Variants in ABCD3 observed in about 807,000 individuals in gnomAD.
ABCD3 encodes the protein ATP-binding cassette sub-family D member 3.
A neutral mutation model predicts 105.5 loss-of-function variants in ABCD3; 41 were observed. The ratio of observed to expected loss-of-function variants is 0.39; its 90% CI spans 0.30 to 0.50. The LOEUF is 0.50. Ranked by LOEUF, ABCD3 falls within the 20% of genes least tolerant of loss-of-function variation. The pLI is 0.84. For synonymous variants in ABCD3, 258 were observed against 269.0 expected, an observed-to-expected ratio of 0.96 and a Z score of 0.40; for missense variants, 622 against 806.3, an observed-to-expected ratio of 0.77 and a Z score of 2.77.
chr1:94,388,270 C>A, the ABCD3 span, among the ~76,000 whole-genome samples: 1 of 152,192 alleles, frequency 6.6e-6, no homozygotes, highest in East Asian at 1.9e-4. Flanking sequence ...CTAACGTCTA[C>A]ATGAACAGAA....
At chr1:94,398,672 G>A in the ABCD3 span, among the ~76,000 whole-genome samples, 32 of 152,274 alleles carry the variant, frequency 2.1e-4, no homozygotes, top group East Asian at 6.0e-3. Context: ...CCATCACTTT[G>A]GGAGGCCAAG....
chr1:94,498,736 C>G (rs1170705186), intron 17 of ABCD3, 47 bp from the exon 18 acceptor site: 7 of 1,612,896 alleles, frequency 4.3e-6, no homozygotes, highest in Non-Finnish European at 5.9e-6. Context: ...CTGTCTACCA[C>G]TTTGTAAATT....
intron 1 of ABCD3, chr1:94,455,890 T>C: frequency 8.4e-7 from 1 of 1,193,926 alleles, no homozygotes. Flanking sequence ...TATCAATTTA[T>C]AACATTTATT....
At chr1:94,453,871 G>A (rs1647395243) in intron 1 of ABCD3, among the ~76,000 whole-genome samples, 1 of 148,634 alleles carries the variant, frequency 6.7e-6, no homozygotes, top group South Asian at 2.1e-4. Flanking sequence ...TTCTGCTTGG[G>A]TGGTTTTAAA....
chr1:94,391,111 T>C, the ABCD3 span, among the ~76,000 whole-genome samples: 4 of 152,176 alleles, frequency 2.6e-5, no homozygotes, highest in African/African-American at 9.6e-5. Context: ...AAATCCTTCC[T>C]CAGGTTACCC....
At chr1:94,504,501 A>G (rs947452613) in intron 20 of ABCD3, among the ~76,000 whole-genome samples, 2 of 152,190 alleles carry the variant, frequency 1.3e-5, no homozygotes, top group Admixed American at 6.5e-5. Flanking sequence ...TGAAAGCTCT[A>G]AGGAACAGAA....
Position 94,483,246 on chromosome 1 carries a change from T to A in ABCD3, c.897+7T>A. ...CTCAGTCTTCCGAAAACTGGTAAGA[T>A]AACACACTTGAGGTTCATGTGTTTA... On this transcript the variant is annotated splice_region_variant and intron_variant, in intron 10 of 22. Coordinates refer to ENST00000370214, the MANE Select transcript of ABCD3 (RefSeq NM_002858.4). 6.2e-7 allele frequency: 1 copy of A among 1,610,638 alleles called. No individual in the cohort carries two copies. The highest frequency in any genetic ancestry group is 8.5e-7 in the Non-Finnish European group (1 of 1,176,970).
rs748896890 is a variant in ABCD3 at position 94,491,159 on chromosome 1, C to T, written c.1323-25C>T. 17 of 1,555,904 alleles carry T rather than the reference C, an allele frequency of 1.1e-5. No homozygotes were observed. In the African/African-American group the frequency reaches 1.6e-4, roughly 15 times the overall value. ...GTTCCTTATATACTTTAAAGTAATTCTCTTTTTAAAAATTTCCTCTATAGG... is the reference window on the plus strand; with the variant it reads ...GTTCCTTATATACTTTAAAGTAATTTTCTTTTTAAAAATTTCCTCTATAGG... On this transcript the variant is annotated intron_variant, in intron 15 of 22. Transcript: ENST00000370214.
chr1:94,427,388 A>G (rs969046636), intron 1 of ABCD3, among the ~76,000 whole-genome samples: 6 of 152,214 alleles, frequency 3.9e-5, no homozygotes, highest in African/African-American at 1.4e-4. Context: ...CAAAGAAAAG[A>G]ATGACCTTAG....
chr1:94,418,358 C>G, upstream of ABCD3: 1 of 855,982 alleles, frequency 1.2e-6, no homozygotes, highest in Non-Finnish European at 1.8e-6. Context: ...GGGGGCGGTC[C>G]TGCGCGGCCG....
intron 1 of ABCD3, chr1:94,419,355 C>T: frequency 1.0e-6 from 1 of 985,056 alleles, no homozygotes; most frequent in Non-Finnish European, 1.2e-6. Context: ...AATGACACGC[C>T]ACTGCTTCCA....
chr1:94,508,169 T>C (rs1650460973), intron 21 of ABCD3, among the ~76,000 whole-genome samples: 1 of 152,218 alleles, frequency 6.6e-6, no homozygotes, highest in Admixed American at 6.5e-5. Context: ...GATTTTTGTA[T>C]AAGATGTAAG....
intron 10 of ABCD3, among the ~76,000 whole-genome samples, chr1:94,486,865 G>T (rs1649301040): frequency 6.6e-6 from 1 of 152,164 alleles, no homozygotes; most frequent in Non-Finnish European, 1.5e-5. Context: ...TTGGTGAGGA[G>T]GAGCAAAGTA....
the ABCD3 span, chr1:94,406,335 G>GTTTTTTT: frequency 1.7e-4 from 30 of 179,226 alleles, no homozygotes; most frequent in East Asian, 3.0e-4. Flanking sequence ...ATAGTATTTT[G>GTTTTTTT]TTTTGTTTTT....
intron 1 of ABCD3, among the ~76,000 whole-genome samples, chr1:94,448,813 A>G (rs1660457933): frequency 6.6e-6 from 1 of 152,256 alleles, no homozygotes; most frequent in South Asian, 2.1e-4. Context: ...GGTATCCCAT[A>G]TAATTCTCAA....
In ABCD3 at chr1:94,518,439, C is replaced by T. The variant is rs916173575; in HGVS notation, c.*1310C>T. On this transcript the variant is annotated 3_prime_UTR_variant, in exon 23 of 23. Coordinates refer to ENST00000370214, the MANE Select transcript of ABCD3 (RefSeq NM_002858.4). ...ATGTACTGAATTCCATAATACATAA[C>T]ATTCAATTTTTACCACTTCTGTTTA... 2.7e-5 allele frequency: 4 copies of T among 148,856 alleles called. No homozygotes were observed. The highest frequency in any genetic ancestry group is 4.5e-5 in the Non-Finnish European group (3 of 67,272). The allele number at this position is 148,856 out of a possible 1,614,324, so 9.2% of individuals were successfully genotyped here.
In ABCD3 at chr1:94,478,288, T is replaced by G; in HGVS notation, c.657T>G (p.Phe219Leu). ...TTTTAGACATAGTTTTGTATATCTT[T>G]AAGTTAACGAGTGCAATTGGAGCTC... ...KPFLDIVLYI[F>L]KLTSAIGAQG... Residue 219 changes from phenylalanine (F) to leucine (L), a missense_variant, in exon 8 of 23, where the codon TTT becomes TTG. Physicochemically the swap from Phe to Leu is conservative, Grantham distance 22 (BLOSUM62 0). Coordinates refer to ENST00000370214, the MANE Select transcript of ABCD3 (RefSeq NM_002858.4). 1 of 1,602,826 alleles carries G rather than the reference T, an allele frequency of 6.2e-7. No individual in the cohort carries two copies. The highest frequency in any genetic ancestry group is 8.5e-7 in the Non-Finnish European group (1 of 1,171,604).
intron 21 of ABCD3, among the ~76,000 whole-genome samples, chr1:94,508,238 T>C (rs1650464992): frequency 6.6e-6 from 1 of 152,238 alleles, no homozygotes; most frequent in Non-Finnish European, 1.5e-5. Flanking sequence ...GCACCATTTA[T>C]TAAATAGGGA....
At chr1:94,503,534 C>T (rs1650205934) in intron 20 of ABCD3, among the ~76,000 whole-genome samples, 1 of 152,176 alleles carries the variant, frequency 6.6e-6, no homozygotes, top group Non-Finnish European at 1.5e-5. Flanking sequence ...TTAACCTCTT[C>T]TAGTCCTTCT....
Sources: gnomAD v4.1 joint callset for allele counts (sites outside exome capture counted in the v4.1 genomes callset) on GRCh38, gnomAD v4.1.1 for gene constraint, MANE v1.5 for transcripts, NCBI Gene and HGNC (gene_info 2026-07-23, HGNC 2026-07-21) for gene names.